Variants in CHN1 observed in about 807,000 individuals in gnomAD.
CHN1 encodes N-chimaerin.
CHN1 carries 37 observed loss-of-function variants against 59.5 expected under a neutral mutation model. The ratio of observed to expected loss-of-function variants is 0.62; its 90% CI spans 0.48 to 0.82. The LOEUF (loss-of-function observed/expected upper bound fraction) is 0.82, where lower values mean the gene tolerates loss of function less well. Ranked by LOEUF, CHN1 falls within the 40% of genes least tolerant of loss-of-function variation. The pLI is 0.00. For synonymous variants in CHN1, 206 were observed against 200.4 expected (o/e 1.03, Z -0.24); for missense variants, 469 against 571.0 (o/e 0.82, Z 1.82).
chr2:174,978,262 A>G (rs1287558675), intron 1 of CHN1, among the ~76,000 whole-genome samples: 1 of 152,210 alleles, frequency 6.6e-6, no homozygotes, highest in African/African-American at 2.4e-5. Context: ...CTAGGTTTTA[A>G]AAACATCTTT....
intron 5 of CHN1, among the ~76,000 whole-genome samples, chr2:174,880,331 C>T (rs984584577): frequency 3.3e-5 from 5 of 152,288 alleles, no homozygotes; most frequent in Admixed American, 1.3e-4. Context: ...AAGAGAACTG[C>T]CAAGCTTTCC....
intron 1 of CHN1, among the ~76,000 whole-genome samples, chr2:174,998,636 G>A (rs1264960145): frequency 1.3e-5 from 2 of 152,200 alleles, no homozygotes; most frequent in African/African-American, 4.8e-5. Context: ...AGCAGCTGGT[G>A]ACATGCTGGC....
Position 174,853,857 on chromosome 2 carries a change from T to C in CHN1, c.550-6900A>G, listed in dbSNP as rs149467535. ...AATGCAGGAACAGAAACCCAAATAA[T>C]GCATGTTCTCACTTACATGCAGAAG... On this transcript the variant is annotated intron_variant, in intron 6 of 12. Transcript: ENST00000409900. Among the ~76,000 whole-genome samples the C allele has an allele frequency of 7.0e-4, 106 of 152,226 alleles. 2 individuals carry two copies. The highest frequency in any genetic ancestry group is 5.0e-3 in the East Asian group (26 of 5,184).
intron 1 of CHN1, among the ~76,000 whole-genome samples, chr2:174,992,885 G>C (rs1326367349): frequency 6.6e-6 from 1 of 152,000 alleles, no homozygotes; most frequent in Admixed American, 6.6e-5. Flanking sequence ...TAACACCTGG[G>C]CTCAAGCAAT....
intron 3 of CHN1, among the ~76,000 whole-genome samples, chr2:174,926,678 C>T (rs1558984627): frequency 6.6e-6 from 1 of 152,126 alleles, no homozygotes; most frequent in African/African-American, 2.4e-5. Flanking sequence ...TCCCTATCTC[C>T]CCTCACAAGG....
At chr2:174,823,743 C>T (rs1268897838) in intron 8 of CHN1, among the ~76,000 whole-genome samples, 2 of 152,048 alleles carry the variant, frequency 1.3e-5, no homozygotes, top group Non-Finnish European at 2.9e-5. Flanking sequence ...ATGGATTTCA[C>T]GTGATATACA....
At chr2:174,901,447 G>C (rs1171368230) in intron 5 of CHN1, among the ~76,000 whole-genome samples, 1 of 152,178 alleles carries the variant, frequency 6.6e-6, no homozygotes, top group African/African-American at 2.4e-5. Flanking sequence ...GATTTAGAGT[G>C]AGACTCTGGG....
At chr2:174,819,559 C>T (rs1289283746) in intron 8 of CHN1, among the ~76,000 whole-genome samples, 1 of 152,084 alleles carries the variant, frequency 6.6e-6, no homozygotes, top group Non-Finnish European at 1.5e-5. Flanking sequence ...TCCATGATTA[C>T]ATAATAATAG....
intron 6 of CHN1, among the ~76,000 whole-genome samples, chr2:174,852,666 C>T (rs1686774108): frequency 6.6e-6 from 1 of 152,102 alleles, no homozygotes; most frequent in Non-Finnish European, 1.5e-5. Flanking sequence ...TATCACACTA[C>T]CTGACTTCAA....
intron 1 of CHN1, among the ~76,000 whole-genome samples, chr2:174,969,601 C>G (rs1690694773): frequency 6.6e-6 from 1 of 152,162 alleles, no homozygotes; most frequent in African/African-American, 2.4e-5. Flanking sequence ...CCAGGTGTCT[C>G]TATAGTTTGC....
chr2:174,920,859 T>A, intron 3 of CHN1: 1 of 375,412 alleles, frequency 2.7e-6, no homozygotes, highest in East Asian at 7.2e-5. Context: ...ATACTCACCA[T>A]AATGTAGAAT....
At chr2:174,825,759 C>T (rs892009618) in intron 7 of CHN1, among the ~76,000 whole-genome samples, 3 of 152,112 alleles carry the variant, frequency 2.0e-5, no homozygotes, top group African/African-American at 7.2e-5. Context: ...GCTGTACTAA[C>T]GTATTGACTA....
At position 174,825,588 on chromosome 2, in the gene CHN1, T is replaced by C. The variant is rs575195850; in HGVS notation, c.628-1070A>G. 3.9e-5 allele frequency among the ~76,000 whole-genome samples: 6 copies of C among 152,148 alleles called. No homozygotes were observed. The East Asian group carries it at 1.2e-3, about 29-fold the overall frequency. On this transcript the variant is annotated intron_variant, in intron 7 of 12. Coordinates refer to ENST00000409900, the MANE Select transcript of CHN1 (RefSeq NM_001822.7). Reference sequence around the variant, plus strand: ...CTAGGTTAACTCAGACAAAAAAATATTGGTAGAATATTTTGCAGAAGCAAT... The same window carrying C: ...CTAGGTTAACTCAGACAAAAAAATACTGGTAGAATATTTTGCAGAAGCAAT...
intron 2 of CHN1, 30 bp from the exon 3 acceptor site, chr2:174,944,973 A>C: frequency 6.6e-7 from 1 of 1,504,626 alleles, no homozygotes; most frequent in Non-Finnish European, 9.1e-7. Context: ...AAAAGTGTCA[A>C]TGTCCCTTAC....
chr2:174,911,381 G>T (rs1213187446), intron 5 of CHN1, among the ~76,000 whole-genome samples: 1 of 152,138 alleles, frequency 6.6e-6, no homozygotes, highest in Non-Finnish European at 1.5e-5. Context: ...GAATCACTTT[G>T]AAACACTTCA....
chr2:174,885,398 G>A (rs1406663607), intron 5 of CHN1, among the ~76,000 whole-genome samples: 1 of 152,046 alleles, frequency 6.6e-6, no homozygotes, highest in African/African-American at 2.4e-5. Context: ...CCATGATAGA[G>A]TGTTTGCCAT....
chr2:174,918,614 C>A, intron 3 of CHN1, 49 bp from the exon 4 acceptor site: 1 of 1,425,386 alleles, frequency 7.0e-7, no homozygotes, highest in Non-Finnish European at 9.6e-7. Context: ...TGCAAATGTG[C>A]AGAACATAAC....
intron 6 of CHN1, among the ~76,000 whole-genome samples, chr2:174,864,644 G>A (rs760167991): frequency 4.0e-4 from 61 of 152,106 alleles, no homozygotes; most frequent in Non-Finnish European, 5.3e-4. Flanking sequence ...GCTGAGGCGG[G>A]CAGACTGCTT....
chr2:174,968,512 TTAAC>T (rs1690659717), intron 1 of CHN1, among the ~76,000 whole-genome samples: 1 of 152,268 alleles, frequency 6.6e-6, no homozygotes, highest in African/African-American at 2.4e-5. Flanking sequence ...CATCTTTTAA[TTAAC>T]TATGCTTTTA....
Sources: allele counts gnomAD v4.1 joint callset (sites outside exome capture counted in the v4.1 genomes callset), GRCh38; gene constraint gnomAD v4.1.1; transcripts MANE v1.5; gene names NCBI Gene and HGNC (gene_info 2026-07-23, HGNC 2026-07-21).